Variants in LGR4 observed in about 807,000 individuals in gnomAD.
The protein encoded by LGR4 is leucine rich repeat containing G protein-coupled receptor 4.
A neutral mutation model predicts 84.8 loss-of-function variants in LGR4; 44 were observed. That is an observed-to-expected ratio of 0.52 (90% CI 0.41 to 0.67). The LOEUF is 0.67. Among genes scored for constraint, LGR4 ranks in the 30% least tolerant of loss-of-function variants. LGR4 has a pLI of 0.00. For synonymous variants in LGR4, 429 were observed against 434.3 expected (o/e 0.99, Z 0.15); for missense variants, 1,032 against 1,131.4 (o/e 0.91, Z 1.26).
At chr11:27,390,591 G>A (rs1235920703) in intron 4 of LGR4, among the ~76,000 whole-genome samples, 1 of 152,162 alleles carries the variant, frequency 6.6e-6, no homozygotes, top group Non-Finnish European at 1.5e-5. Context: ...GACATGAAGT[G>A]AGGCAATGCA....
intron 1 of LGR4, among the ~76,000 whole-genome samples, chr11:27,416,029 T>A (rs1863809471): frequency 6.6e-6 from 1 of 151,976 alleles, no homozygotes; most frequent in Admixed American, 6.6e-5. Context: ...TATAAGGAAG[T>A]TGTTTAAAGA....
At chr11:27,432,881 C>CT (rs888124254) in intron 1 of LGR4, among the ~76,000 whole-genome samples, 16 of 152,138 alleles carry the variant, frequency 1.1e-4, no homozygotes, top group African/African-American at 3.4e-4. Flanking sequence ...TTTCTTCCCA[C>CT]TTTTTTTCCC....
chr11:27,406,373 G>A (rs188088723), intron 2 of LGR4, among the ~76,000 whole-genome samples: 8 of 152,098 alleles, frequency 5.3e-5, no homozygotes, highest in African/African-American at 4.8e-5. Flanking sequence ...CATCTACAGG[G>A]GCATAGGCAG....
At chr11:27,377,908 T>C (rs1863017690) in intron 11 of LGR4, among the ~76,000 whole-genome samples, 1 of 152,180 alleles carries the variant, frequency 6.6e-6, no homozygotes, top group Non-Finnish European at 1.5e-5. Context: ...ATATTTCTGC[T>C]CCAACTTTTC....
chr11:27,413,364 C>T (rs1001818256), intron 1 of LGR4, among the ~76,000 whole-genome samples: 3 of 152,076 alleles, frequency 2.0e-5, no homozygotes, highest in Non-Finnish European at 4.4e-5. Context: ...TTTCATGTTC[C>T]GCCTATGAAC....
intron 2 of LGR4, among the ~76,000 whole-genome samples, chr11:27,407,626 A>C (rs1164254309): frequency 6.6e-6 from 1 of 152,210 alleles, no homozygotes; most frequent in East Asian, 1.9e-4. Context: ...GAAACACAGG[A>C]ACCAGATATA....
intron 4 of LGR4, among the ~76,000 whole-genome samples, chr11:27,386,763 C>A (rs1490175184): frequency 6.6e-6 from 1 of 152,184 alleles, no homozygotes; most frequent in Non-Finnish European, 1.5e-5. Context: ...CTGATGGAAG[C>A]TTTCTTTCTA....
chr11:27,437,423 C>A (rs1864230740), intron 1 of LGR4, among the ~76,000 whole-genome samples: 1 of 152,090 alleles, frequency 6.6e-6, no homozygotes, highest in Admixed American at 6.6e-5. Context: ...TAGAAGCAAT[C>A]ATTAAAACCA....
rs1029491782 is a variant in LGR4 at position 27,368,329 on chromosome 11, T to C, written c.2394A>G (p.Pro798=). 6.2e-7 allele frequency: 1 copy of C among 1,614,140 alleles called. No individual in the cohort carries two copies. Among genetic ancestry groups the C allele is most frequent in the Non-Finnish European group, 8.5e-7 (1 of 1,180,028 alleles). ...IFFPLPACLN[P]VLYVFFNPKF... ...TTGGGTTGAAGAAAACATACAGGAC[T>C]GGATTCAGGCAAGCAGGCAATGGAA... The change falls in exon 18 of 18, where the codon CCA becomes CCG. Residue 798 remains proline (P), a synonymous_variant. Transcript: ENST00000379214.
intron 1 of LGR4, among the ~76,000 whole-genome samples, chr11:27,424,427 A>T (rs1863982607): frequency 6.6e-6 from 1 of 152,102 alleles, no homozygotes; most frequent in African/African-American, 2.4e-5. Context: ...TAAGCCTGGG[A>T]GGTTGAGGCT....
At chr11:27,460,707 G>A (rs1565101007) in intron 1 of LGR4, among the ~76,000 whole-genome samples, 1 of 152,168 alleles carries the variant, frequency 6.6e-6, no homozygotes, top group African/African-American at 2.4e-5. Flanking sequence ...GCGTTCTGCT[G>A]CATGCCCTCA....
At chr11:27,420,808 CAT>C (rs1034341318) in intron 1 of LGR4, among the ~76,000 whole-genome samples, 1 of 151,936 alleles carries the variant, frequency 6.6e-6, no homozygotes, top group Non-Finnish European at 1.5e-5. Context: ...GAAAGAATAT[CAT>C]GTGTGAAAGC....
At position 27,371,604 on chromosome 11, in the gene LGR4, G is replaced by T. The variant is rs779312991; in HGVS notation, c.1579+11C>A. ...AACATGGGTAACTGTGAAAAAATAG[G>T]CCAGGCATACCTGTTGAAGGTGTAC... On this transcript the variant is annotated intron_variant, in intron 17 of 17. Transcript: ENST00000379214. 5.7e-6 allele frequency: 9 copies of T among 1,590,088 alleles called. 1 individual carries two copies. In the South Asian group the frequency reaches 1.0e-4, roughly 18 times the overall value.
intron 2 of LGR4, among the ~76,000 whole-genome samples, chr11:27,394,349 T>TAAA (rs1180902626): frequency 3.3e-5 from 5 of 152,224 alleles, no homozygotes; most frequent in African/African-American, 1.2e-4. Flanking sequence ...TAGCAAATCC[T>TAAA]CTTGGTTCTA....
chr11:27,446,371 G>A (rs903698024), intron 1 of LGR4, among the ~76,000 whole-genome samples: 4 of 148,358 alleles, frequency 2.7e-5, no homozygotes, highest in East Asian at 1.9e-4. Context: ...AAAAGTGGGC[G>A]AAGGATATGA....
intron 11 of LGR4, 49 bp from the exon 12 acceptor site, chr11:27,377,272 AT>A: frequency 1.0e-6 from 1 of 974,104 alleles, no homozygotes; most frequent in Non-Finnish European, 1.6e-6. Context: ...TCAGAGTATT[AT>A]ATTAAAAGAG....
chr11:27,425,321 GCA>G (rs1864002223), intron 1 of LGR4, among the ~76,000 whole-genome samples: 2 of 149,984 alleles, frequency 1.3e-5, no homozygotes, highest in Non-Finnish European at 2.9e-5. Flanking sequence ...TATTGTCTCA[GCA>G]CAGTTTTTTT....
intron 1 of LGR4, among the ~76,000 whole-genome samples, chr11:27,459,966 C>T (rs1864653358): frequency 6.6e-6 from 1 of 152,100 alleles, no homozygotes; most frequent in South Asian, 2.1e-4. Context: ...TGACATGTGC[C>T]TGTGGTCCCA....
intron 2 of LGR4, among the ~76,000 whole-genome samples, chr11:27,407,992 T>C (rs1021832395): frequency 5.9e-5 from 9 of 152,148 alleles, no homozygotes; most frequent in African/African-American, 2.2e-4. Context: ...ATTTTGAAAG[T>C]CTGAAATTAC....
Sources: allele counts gnomAD v4.1 joint callset (sites outside exome capture counted in the v4.1 genomes callset), GRCh38; gene constraint gnomAD v4.1.1; transcripts MANE v1.5; gene names NCBI Gene and HGNC (gene_info 2026-07-23, HGNC 2026-07-21).